The following SLC24A3 variants were observed in gnomAD, a reference collection of about 807,000 sequenced individuals.
SLC24A3 encodes the protein sodium/potassium/calcium exchanger 3.
SLC24A3 carries 28 observed loss-of-function variants against 75.8 expected under a neutral mutation model. The ratio of observed to expected loss-of-function variants is 0.37; its 90% confidence interval spans 0.27 to 0.51. SLC24A3 has a LOEUF of 0.51. Ranked by LOEUF, SLC24A3 falls within the 20% of genes least tolerant of loss-of-function variation. The probability of loss-of-function intolerance (pLI) is 0.94; values close to 1 mark genes in which losing one functional copy is unlikely to be tolerated. For missense variants in SLC24A3, 663 were observed against 847.8 expected, an observed-to-expected ratio of 0.78 and a Z score of 2.71; for synonymous variants, 372 against 334.1, an observed-to-expected ratio of 1.11 and a Z score of -1.24.
chr20:19,353,184 T>C (rs1042461555), intron 2 of SLC24A3, among the ~76,000 whole-genome samples: 4 of 152,196 alleles, frequency 2.6e-5, no homozygotes, highest in Admixed American at 6.5e-5. Flanking sequence ...AGATGCATTT[T>C]TCAGAACACG....
chr20:19,707,326 G>A lies in SLC24A3; in HGVS notation c.1719+8646G>A, dbSNP rs190390619. 1.4e-3 allele frequency among the ~76,000 whole-genome samples: 210 copies of A among 152,232 alleles called. 3 individuals are homozygous for A. Among genetic ancestry groups the A allele is most frequent in the South Asian group, 1.2e-3 (6 of 4,812 alleles). On this transcript the variant is annotated intron_variant, in intron 15 of 16. Coordinates refer to ENST00000328041, the MANE Select transcript of SLC24A3 (RefSeq NM_020689.4). ...CAGTTCACTCTGCCTCCACAGTAGCGGTAAAACTGGAGATCAGTGGAAAGC... is the reference window on the plus strand; with the variant it reads ...CAGTTCACTCTGCCTCCACAGTAGCAGTAAAACTGGAGATCAGTGGAAAGC...
chr20:19,637,318 T>C lies in SLC24A3; in HGVS notation c.613-16744T>C, dbSNP rs562257633. ...TCTGTCTCAAAACACAAAAAATTGT[T>C]CTTAAAATTTTTAAGTGTGGCTTCC... is the stretch of plus-strand genomic sequence containing the variant. On this transcript the variant is annotated intron_variant, in intron 6 of 16. Transcript: ENST00000328041. Among the ~76,000 whole-genome samples, 11 of 152,308 alleles carry C rather than the reference T, an allele frequency of 7.2e-5. No individual in the cohort carries two copies. In the South Asian group the frequency reaches 2.1e-3, roughly 29 times the overall value.
At chr20:19,453,820 GAAC>G (rs925176002) in intron 2 of SLC24A3, among the ~76,000 whole-genome samples, 3 of 152,220 alleles carry the variant, frequency 2.0e-5, no homozygotes, top group African/African-American at 7.2e-5. Context: ...CCCACTGTGA[GAAC>G]AACGAGGACA....
intron 2 of SLC24A3, among the ~76,000 whole-genome samples, chr20:19,304,222 A>T (rs1213722295): frequency 6.6e-6 from 1 of 152,218 alleles, no homozygotes; most frequent in Non-Finnish European, 1.5e-5. Flanking sequence ...AGATGTTCTA[A>T]TTTCTGCTAC....
chr20:19,565,687 C>T (rs762275038), intron 3 of SLC24A3, among the ~76,000 whole-genome samples: 3 of 152,222 alleles, frequency 2.0e-5, no homozygotes, highest in Non-Finnish European at 4.4e-5. Flanking sequence ...ATTCCTATCA[C>T]CTGAGAGCCA....
chr20:19,422,556 G>A (rs901714975), intron 2 of SLC24A3, among the ~76,000 whole-genome samples: 7 of 152,082 alleles, frequency 4.6e-5, no homozygotes, highest in Non-Finnish European at 7.4e-5. Context: ...AAATGCTGAC[G>A]GTCATTCTCA....
chr20:19,344,238 A>G (rs1223405535), intron 2 of SLC24A3, among the ~76,000 whole-genome samples: 1 of 152,152 alleles, frequency 6.6e-6, no homozygotes, highest in Admixed American at 6.5e-5. Context: ...TTGATTTTTT[A>G]CTACCACATT....
intron 6 of SLC24A3, among the ~76,000 whole-genome samples, chr20:19,645,590 G>A (rs539641005): frequency 1.2e-4 from 18 of 152,204 alleles, no homozygotes; most frequent in East Asian, 5.8e-4. Context: ...ACCGCTGAGC[G>A]GCTCCACAGT....
intron 2 of SLC24A3, among the ~76,000 whole-genome samples, chr20:19,346,244 GTGTATATATATATGGTA>G (rs1985415231): frequency 2.0e-5 from 1 of 48,784 alleles, no homozygotes; most frequent in Non-Finnish European, 3.6e-5. Flanking sequence ...TATATATATG[GTGTATATATATATGGTA>G]TATATATATG....
At chr20:19,432,730 T>C (rs901034360) in intron 2 of SLC24A3, among the ~76,000 whole-genome samples, 7 of 152,200 alleles carry the variant, frequency 4.6e-5, no homozygotes, top group African/African-American at 1.7e-4. Context: ...TTGCTCTTTA[T>C]AGCCAGATGT....
chr20:19,415,756 A>G lies in SLC24A3; in HGVS notation c.272-99732A>G, dbSNP rs190959663. On this transcript the variant is annotated intron_variant, in intron 2 of 16. Transcript: ENST00000328041. Reference sequence around the variant, plus strand: ...TCAGAGAATTTGTTCTGTCAAGTGAATTATCTCATCCTATTATATTCCAAT... The same window carrying G: ...TCAGAGAATTTGTTCTGTCAAGTGAGTTATCTCATCCTATTATATTCCAAT... Among the ~76,000 whole-genome samples, 164 of 152,314 alleles carry G rather than the reference A, an allele frequency of 1.1e-3. 1 individual carries two copies. The highest frequency in any genetic ancestry group is 3.8e-3 in the African/African-American group (158 of 41,566).
At chr20:19,325,278 A>ATAT (rs1253935666) in intron 2 of SLC24A3, among the ~76,000 whole-genome samples, 2 of 151,212 alleles carry the variant, frequency 1.3e-5, no homozygotes, top group African/African-American at 4.9e-5. Flanking sequence ...AATAATAATA[A>ATAT]TAATAATATT....
At chr20:19,347,489 T>C (rs1029191518) in intron 2 of SLC24A3, among the ~76,000 whole-genome samples, 23 of 152,242 alleles carry the variant, frequency 1.5e-4, no homozygotes, top group African/African-American at 5.3e-4. Flanking sequence ...TTGGGAACTC[T>C]GTACATTCTG....
intron 2 of SLC24A3, among the ~76,000 whole-genome samples, chr20:19,422,766 G>A (rs950466622): frequency 6.6e-6 from 1 of 152,158 alleles, no homozygotes; most frequent in African/African-American, 2.4e-5. Context: ...TCTATTGCAA[G>A]AAAGTATTAT....
chr20:19,580,210 T>G (rs2031200030), intron 4 of SLC24A3, 136 bp downstream of exon 4: 1 of 661,822 alleles, frequency 1.5e-6, no homozygotes, highest in Admixed American at 2.7e-5. Context: ...GGCATCACCA[T>G]GTTTGAGAGC....
chr20:19,587,717 T>G (rs921308425), intron 6 of SLC24A3, among the ~76,000 whole-genome samples: 1 of 152,222 alleles, frequency 6.6e-6, no homozygotes, highest in African/African-American at 2.4e-5. Context: ...TTTCTGGCTG[T>G]GGAACCCTGG....
At chr20:19,408,875 A>G (rs960981368) in intron 2 of SLC24A3, among the ~76,000 whole-genome samples, 4 of 152,240 alleles carry the variant, frequency 2.6e-5, no homozygotes, top group African/African-American at 9.6e-5. Flanking sequence ...TCACCAGGGA[A>G]ATGAGATTTG....
intron 9 of SLC24A3, among the ~76,000 whole-genome samples, chr20:19,677,929 A>AG (rs910069270): frequency 4.6e-4 from 69 of 151,452 alleles, no homozygotes; most frequent in Non-Finnish European, 7.1e-4. Flanking sequence ...TGCTGCCTTC[A>AG]AGCATCTGTT....
chr20:19,372,418 C>T (rs907266222), intron 2 of SLC24A3, among the ~76,000 whole-genome samples: 3 of 152,162 alleles, frequency 2.0e-5, no homozygotes, highest in African/African-American at 4.8e-5. Context: ...TCAGCCACAC[C>T]CACTTTCTGA....
Sources: gnomAD v4.1 joint callset for allele counts (sites outside exome capture counted in the v4.1 genomes callset) on GRCh38, gnomAD v4.1.1 for gene constraint, MANE v1.5 for transcripts, NCBI Gene and HGNC (gene_info 2026-07-23, HGNC 2026-07-21) for gene names.